PCDHA7: variants seen among roughly 807,000 people sequenced by gnomAD.
The protein encoded by PCDHA7 is protocadherin alpha-7.
In PCDHA7, 37 loss-of-function variants were observed where a neutral mutation model predicts 57.2. The observed-to-expected ratio is 0.65, with a 90% CI of 0.50 to 0.85. The LOEUF is 0.85. PCDHA7 is among the 40% of genes least tolerant of loss of function. The pLI is 0.00. For synonymous variants in PCDHA7, 553 were observed against 558.8 expected, an observed-to-expected ratio of 0.99 and a Z score of 0.15; for missense variants, 1,188 against 1,241.8, an observed-to-expected ratio of 0.96 and a Z score of 0.65.
At position 140,872,081 on chromosome 5, in the gene PCDHA7, C is replaced by A. The variant is rs559710022; in HGVS notation, c.2355+35343C>A. ...TCCAGAGTAGCTGGGAATGCAGTGC[C>A]ACTGCACTTAGTCCATTGGCTTTCC... On this transcript the variant is annotated intron_variant, in intron 1 of 3. Transcript: ENST00000525929. Among the ~76,000 whole-genome samples the A allele has an allele frequency of 2.6e-5, 4 of 152,212 alleles. No individual in the cohort carries two copies. In the South Asian group the frequency reaches 8.3e-4, roughly 32 times the overall value.
At chr5:140,912,648 A>G (rs1161381718) in intron 1 of PCDHA7, among the ~76,000 whole-genome samples, 1 of 152,164 alleles carries the variant, frequency 6.6e-6, no homozygotes, top group African/African-American at 2.4e-5. Flanking sequence ...TATGTTGAAT[A>G]GAAGTGGTGA....
chr5:140,836,132 G>A lies in PCDHA7; in HGVS notation c.1749G>A (p.Arg583=), dbSNP rs1774227374. 2 of 1,613,758 alleles carry A rather than the reference G, an allele frequency of 1.2e-6. No individual in the cohort carries two copies. The highest frequency in any genetic ancestry group is 1.7e-6 in the Non-Finnish European group (2 of 1,179,792). The change falls in exon 1 of 4, where the codon CGG becomes CGA. Residue 583 remains arginine, a synonymous_variant. Coordinates refer to ENST00000525929, the MANE Select transcript of PCDHA7 (RefSeq NM_018910.3). ...TGGAVRELVP[R]SVGAGHVVAK... ...GCGCAGTGAGAGAGCTTGTGCCGCG[G>A]TCTGTGGGCGCGGGCCATGTGGTGG... is the stretch of plus-strand genomic sequence containing the variant.
rs2150243130 is a variant in PCDHA7 at position 140,835,724 on chromosome 5, C to G, written c.1341C>G (p.Asp447Glu). ...ATASVSVEVADVNDNAPAFAQ... is the reference protein window; with the variant it reads ...ATASVSVEVAEVNDNAPAFAQ... The stretch of plus-strand genomic sequence containing the variant: ...CTAGCGTGTCCGTGGAGGTGGCCGA[C>G]GTGAACGACAACGCCCCGGCGTTCG... Residue 447 changes from aspartate (D) to glutamate (E), a missense_variant, in exon 1 of 4, where the codon GAC (aspartate) becomes GAG (glutamate). Coordinates refer to ENST00000525929, the MANE Select transcript of PCDHA7 (RefSeq NM_018910.3). 7 of 1,613,752 alleles carry G rather than the reference C, an allele frequency of 4.3e-6. No homozygotes were observed. The highest frequency in any genetic ancestry group is 2.2e-5 in the South Asian group (2 of 91,080).
chr5:140,850,240 T>G, intron 1 of PCDHA7: 1 of 1,593,446 alleles, frequency 6.3e-7, no homozygotes, highest in East Asian at 2.2e-5. Flanking sequence ...GAGATGGTGC[T>G]GCGGTCGGTG....
At chr5:140,841,779 C>T in intron 1 of PCDHA7, 1 of 1,613,838 alleles carries the variant, frequency 6.2e-7, no homozygotes, top group Non-Finnish European at 8.5e-7. Flanking sequence ...TCTCGGTTTC[C>T]GCTAGAGGGC....
intron 1 of PCDHA7, chr5:140,858,161 G>A (rs1409243603): frequency 1.3e-6 from 2 of 1,597,720 alleles, no homozygotes; most frequent in African/African-American, 2.7e-5. Context: ...CATCTGCGCG[G>A]TGTCCAGCTT....
At chr5:140,967,236 T>C (rs142898054) in intron 1 of PCDHA7, 53 of 1,613,562 alleles carry the variant, frequency 3.3e-5, no homozygotes, top group Non-Finnish European at 4.2e-5. Context: ...CAGCTTCAGG[T>C]AAGCGAATCG....
chr5:141,000,112 C>T (rs1404445521), intron 3 of PCDHA7, among the ~76,000 whole-genome samples: 1 of 152,128 alleles, frequency 6.6e-6, no homozygotes. Flanking sequence ...CGTCTCTTCC[C>T]TCATCCCCAA....
At chr5:140,950,549 G>A (rs1023288540) in intron 1 of PCDHA7, among the ~76,000 whole-genome samples, 1 of 151,948 alleles carries the variant, frequency 6.6e-6, no homozygotes, top group African/African-American at 2.4e-5. Context: ...TGCATGGCTG[G>A]GGGGACACTT....
intron 1 of PCDHA7, chr5:140,870,336 C>T (rs782392888): frequency 2.3e-5 from 37 of 1,614,034 alleles, no homozygotes; most frequent in Non-Finnish European, 2.9e-5. Flanking sequence ...TGGACAGCGC[C>T]CTGGACCGCG....
chr5:140,882,662 A>G (rs1554175058), intron 1 of PCDHA7: 7 of 1,614,224 alleles, frequency 4.3e-6, no homozygotes, highest in Non-Finnish European at 5.9e-6. Context: ...CAACCCGCCC[A>G]TATTCCCTGA....
intron 3 of PCDHA7, among the ~76,000 whole-genome samples, chr5:140,989,660 G>T (rs1369597923): frequency 6.6e-6 from 1 of 152,180 alleles, no homozygotes; most frequent in Non-Finnish European, 1.5e-5. Context: ...TATTTTAAAA[G>T]AAACTCTGCC....
At chr5:140,922,655 C>G (rs1468761948) in intron 1 of PCDHA7, among the ~76,000 whole-genome samples, 1 of 152,134 alleles carries the variant, frequency 6.6e-6, no homozygotes, top group Non-Finnish European at 1.5e-5. Context: ...GTAAATATGG[C>G]TATACTGCAA....
At chr5:140,859,848 G>C (rs1455422999) in intron 1 of PCDHA7, 1 of 151,860 alleles carries the variant, frequency 6.6e-6, no homozygotes, top group South Asian at 2.1e-4. Flanking sequence ...TTATCAAATA[G>C]GTTTATGAAA....
At chr5:140,945,000 G>T (rs980802301) in intron 1 of PCDHA7, among the ~76,000 whole-genome samples, 2 of 151,862 alleles carry the variant, frequency 1.3e-5, no homozygotes. Flanking sequence ...AACGGTTGTG[G>T]GTCATGAATT....
chr5:140,987,004 A>G (rs2097221558), intron 3 of PCDHA7, among the ~76,000 whole-genome samples: 2 of 152,242 alleles, frequency 1.3e-5, no homozygotes, highest in Non-Finnish European at 2.9e-5. Flanking sequence ...ACTTGAGGTC[A>G]TGAGTTCGAG....
chr5:140,849,956 C>G (rs2150460065), intron 1 of PCDHA7: 1 of 1,597,918 alleles, frequency 6.3e-7, no homozygotes, highest in South Asian at 1.1e-5. Context: ...CGCAGGAGAA[C>G]GCCCTGGTGT....
At chr5:140,991,298 ATTATC>A (rs1361844877) in intron 3 of PCDHA7, among the ~76,000 whole-genome samples, 1 of 152,170 alleles carries the variant, frequency 6.6e-6, no homozygotes, top group African/African-American at 2.4e-5. Flanking sequence ...ACACATTACT[ATTATC>A]TTGTCCCGCA....
chr5:140,869,320 G>A, intron 1 of PCDHA7: 1 of 1,613,846 alleles, frequency 6.2e-7, no homozygotes, highest in Non-Finnish European at 8.5e-7. Flanking sequence ...AACACATGGG[G>A]ACCTTCTGGA....
Sources: allele counts gnomAD v4.1 joint callset (sites outside exome capture counted in the v4.1 genomes callset), GRCh38; gene constraint gnomAD v4.1.1; transcripts MANE v1.5; gene names NCBI Gene and HGNC (gene_info 2026-07-23, HGNC 2026-07-21).